Variants in ENDOD1 observed in about 807,000 individuals in gnomAD.
ENDOD1 encodes the protein endonuclease domain-containing 1 protein.
Under a neutral mutation model 6.5 loss-of-function variants are expected in ENDOD1, and 9 were observed. That is an observed-to-expected ratio of 1.39 (90% CI 0.84 to 2.43). ENDOD1 has a LOEUF of 2.43. ENDOD1 is among the 30% of genes most tolerant of loss of function. The pLI is 0.00. For synonymous variants in ENDOD1, 255 were observed against 255.2 expected, an observed-to-expected ratio of 1.00 and a Z score of 0.01; for missense variants, 648 against 635.5, an observed-to-expected ratio of 1.02 and a Z score of -0.21.
intron 1 of ENDOD1, among the ~76,000 whole-genome samples, chr11:95,125,415 G>C (rs983623490): frequency 6.6e-6 from 1 of 152,088 alleles, no homozygotes; most frequent in African/African-American, 2.4e-5. Context: ...AGAGACAGCA[G>C]CTTAACCAAA....
chr11:95,113,745 T>C (rs1555112189), intron 1 of ENDOD1, among the ~76,000 whole-genome samples: 1 of 152,234 alleles, frequency 6.6e-6, no homozygotes, highest in African/African-American at 2.4e-5. Context: ...ACTGATTTTC[T>C]TTCTTTGGGG....
In ENDOD1 at chr11:95,129,037, T is replaced by A; in HGVS notation, c.961T>A (p.Ser321Thr). The A allele has an allele frequency of 6.2e-7, 1 of 1,613,922 alleles. No homozygotes were observed. Among genetic ancestry groups the A allele is most frequent in the Non-Finnish European group, 8.5e-7 (1 of 1,179,964 alleles). ...KRSTLLPPEA[S>T]EGSSSFLGKL... ...GTCTACTCTGTTGCCTCCAGAGGCA[T>A]CTGAGGGAAGTAGTAGCTTTTTGGG... The change falls in exon 2 of 2, where the codon TCT becomes ACT. Residue 321 changes from serine to threonine, a missense_variant. Transcript: ENST00000278505.
Position 95,129,680 on chromosome 11 carries a change from G to C in ENDOD1, c.*101G>C, listed in dbSNP as rs558010986. 2.5e-4 allele frequency: 346 copies of C among 1,365,422 alleles called. 1 individual carries two copies. The South Asian group carries it at 4.5e-3, about 18-fold the overall frequency. The allele number at this position is 1,365,422 out of a possible 1,614,324, so 84.6% of individuals were successfully genotyped here. A position where few individuals can be genotyped will look rare whatever the true frequency, so the allele number is the denominator to read the frequency against. ...TCACTGTCAGTTATCATTATATTTT[G>C]GCCTTTGGTGGGGATGTCTGCTTGT... On this transcript the variant is annotated 3_prime_UTR_variant, in exon 2 of 2. Coordinates refer to ENST00000278505, the MANE Select transcript of ENDOD1 (RefSeq NM_015036.3).
intron 1 of ENDOD1, among the ~76,000 whole-genome samples, chr11:95,097,340 C>T (rs1858996465): frequency 2.0e-5 from 3 of 152,006 alleles, no homozygotes; most frequent in African/African-American, 7.3e-5. Context: ...ATGCAGGCAT[C>T]TATAGAGGGG....
chr11:95,090,348 C>T (rs1344521989), intron 1 of ENDOD1, 121 bp downstream of exon 1: 19 of 1,273,932 alleles, frequency 1.5e-5, no homozygotes, highest in African/African-American at 6.3e-5. Flanking sequence ...CCTTCGGTGC[C>T]TTGGGCCAAG....
Position 95,090,144 on chromosome 11 carries a change from G to C in ENDOD1, c.217G>C (p.Asp73His), listed in dbSNP as rs782053045. 11 of 1,521,620 alleles carry C rather than the reference G, an allele frequency of 7.2e-6. No homozygotes were observed. The highest frequency in any genetic ancestry group is 9.7e-6 in the Non-Finnish European group (11 of 1,132,740). The allele number at this position is 1,521,620 out of a possible 1,614,324, so 94.3% of individuals were successfully genotyped here. ...CTTCGCCACCCTCTACAGCACCCGG[G>C]ACCGCATCCCCGTGTACTCCGCGTT... ...ERFATLYSTR[D>H]RIPVYSAFRA... Residue 73 changes from aspartate to histidine, a missense_variant, in exon 1 of 2, where the codon GAC (aspartate) becomes CAC (histidine). By Grantham distance (81) the Asp-to-His change is moderately conservative. Transcript: ENST00000278505.
At chr11:95,123,344 T>C (rs1239927278) in intron 1 of ENDOD1, among the ~76,000 whole-genome samples, 1 of 151,040 alleles carries the variant, frequency 6.6e-6, no homozygotes, top group Non-Finnish European at 1.5e-5. Context: ...TTCAGGGAGA[T>C]AGAAATACCT....
intron 1 of ENDOD1, among the ~76,000 whole-genome samples, chr11:95,124,320 A>C (rs148918555): frequency 5.3e-5 from 8 of 152,304 alleles, no homozygotes; most frequent in Non-Finnish European, 7.4e-5. Flanking sequence ...CCTTCCACAT[A>C]ATGTTGTATT....
At chr11:95,101,132 G>A (rs1457359931) in intron 1 of ENDOD1, among the ~76,000 whole-genome samples, 3 of 152,002 alleles carry the variant, frequency 2.0e-5, no homozygotes, top group Non-Finnish European at 2.9e-5. Flanking sequence ...TAAATATTTC[G>A]GGCTTTGTGG....
At chr11:95,127,535 C>T (rs568562) in intron 1 of ENDOD1, among the ~76,000 whole-genome samples, 4,594 of 152,168 alleles carry the variant, frequency 0.03, 92 homozygotes, top group Non-Finnish European at 0.044. Context: ...AATTTAAATG[C>T]GCTGATTAGA....
At chr11:95,091,574 G>A (rs1327334970) in intron 1 of ENDOD1, among the ~76,000 whole-genome samples, 1 of 152,218 alleles carries the variant, frequency 6.6e-6, no homozygotes, top group Non-Finnish European at 1.5e-5. Flanking sequence ...CATTGTGATT[G>A]TGTGCCTGCG....
At chr11:95,097,868 T>G (rs113188543) in intron 1 of ENDOD1, among the ~76,000 whole-genome samples, 1 of 152,210 alleles carries the variant, frequency 6.6e-6, no homozygotes, top group African/African-American at 2.4e-5. Context: ...AAGACAAGGA[T>G]ACAAAAGGAG....
chr11:95,111,054 T>C (rs1429183397), intron 1 of ENDOD1, among the ~76,000 whole-genome samples: 4 of 152,118 alleles, frequency 2.6e-5, no homozygotes, highest in East Asian at 1.9e-4. Flanking sequence ...CAGCGAGCAG[T>C]GTTGGTACTG....
chr11:95,108,257 G>A (rs1330430376), intron 1 of ENDOD1, among the ~76,000 whole-genome samples: 1 of 152,092 alleles, frequency 6.6e-6, no homozygotes, highest in East Asian at 1.9e-4. Flanking sequence ...CTTCTGACTC[G>A]GGAGAGAGCT....
Position 95,124,333 on chromosome 11 carries a change from A to G in ENDOD1, c.301-4044A>G, listed in dbSNP as rs148053431. Among the ~76,000 whole-genome samples the G allele has an allele frequency of 6.3e-3, 952 of 152,300 alleles. 9 individuals carry two copies. Among genetic ancestry groups the G allele is most frequent in the African/African-American group, 0.021 (893 of 41,558 alleles). ...TGCCTTCCACATAATGTTGTATTGA[A>G]AGCATTAAATTGGTAGTTCAAAAAA... On this transcript the variant is annotated intron_variant, in intron 1 of 1. Transcript: ENST00000278505.
Position 95,097,154 on chromosome 11 carries a change from C to CAAA in ENDOD1, c.300+6939_300+6941dup, listed in dbSNP as rs34990638. On this transcript the variant is annotated intron_variant, in intron 1 of 1. Coordinates refer to ENST00000278505, the MANE Select transcript of ENDOD1 (RefSeq NM_015036.3). ...TGGGGGACAGAGTAAGACCCTGTTTCAAAAAAAAAAAAAAGGCATATTAGA... is the reference window on the plus strand; with the variant it reads ...TGGGGGACAGAGTAAGACCCTGTTTCAAAAAAAAAAAAAAAAAGGCATATTAGA... Among the ~76,000 whole-genome samples the CAAA allele has an allele frequency of 3.6e-3, 503 of 140,048 alleles. 21 individuals carry two copies. Among genetic ancestry groups the CAAA allele is most frequent in the East Asian group, 7.0e-3 (34 of 4,844 alleles). The allele number at this position is 140,048 out of a possible 152,430, so 91.9% of individuals were successfully genotyped here. A position where few individuals can be genotyped will look rare whatever the true frequency, so the allele number is the denominator to read the frequency against.
At chr11:95,114,394 G>A (rs1221829922) in intron 1 of ENDOD1, among the ~76,000 whole-genome samples, 2 of 152,130 alleles carry the variant, frequency 1.3e-5, no homozygotes, top group Admixed American at 1.3e-4. Context: ...ATATATGCTG[G>A]TTATTAATCC....
Position 95,128,873 on chromosome 11 carries a change from A to C in ENDOD1, c.797A>C (p.Gln266Pro). 1.2e-6 allele frequency: 2 copies of C among 1,614,224 alleles called. No individual in the cohort carries two copies. Among genetic ancestry groups the C allele is most frequent in the Non-Finnish European group, 1.7e-6 (2 of 1,180,058 alleles). Residue 266 changes from glutamine to proline, a missense_variant, in exon 2 of 2, where the codon CAG becomes CCG. By Grantham distance (76) the Gln-to-Pro change is moderately conservative. Transcript: ENST00000278505. ...CTTCCATTTAACCCTCAGCTGTTTCAGAACAACTGTGGTGAAACTGAGCAA... is the reference window on the plus strand; with the variant it reads ...CTTCCATTTAACCCTCAGCTGTTTCCGAACAACTGTGGTGAAACTGAGCAA... ...KLLPFNPQLF[Q>P]NNCGETEQDT...
chr11:95,094,154 TTATATAA>T (rs1565442941), intron 1 of ENDOD1, among the ~76,000 whole-genome samples: 1 of 148,384 alleles, frequency 6.7e-6, no homozygotes, highest in Non-Finnish European at 1.5e-5. Context: ...TACATATTAA[TTATATAA>T]TATATAATTT....
Sources: gnomAD v4.1 joint callset for allele counts (sites outside exome capture counted in the v4.1 genomes callset) on GRCh38, gnomAD v4.1.1 for gene constraint, MANE v1.5 for transcripts, NCBI Gene and HGNC (gene_info 2026-07-23, HGNC 2026-07-21) for gene names.